Variants in RGL2 observed in about 807,000 individuals in gnomAD.
RGL2 encodes the protein ral guanine nucleotide dissociation stimulator-like 2.
A neutral mutation model predicts 84.6 loss-of-function variants in RGL2; 40 were observed. The observed-to-expected ratio is 0.47, with a 90% CI of 0.37 to 0.62. The LOEUF (loss-of-function observed/expected upper bound fraction) is 0.62. RGL2 is among the 20% of genes least tolerant of loss of function. The probability of loss-of-function intolerance (pLI) is 0.00; values close to 1 mark genes in which losing one functional copy is unlikely to be tolerated. For missense variants in RGL2, 865 were observed against 1,019.7 expected (o/e 0.85, Z 2.07); for synonymous variants, 369 against 417.3 (o/e 0.88, Z 1.41).
At chr6:33,299,509 C>T (rs554489752), upstream of RGL2, among the ~76,000 whole-genome samples, 8 of 152,236 alleles carry the variant, frequency 5.3e-5, no homozygotes, top group South Asian at 1.0e-3. This position sits in a 1 kb window ranked among gnomAD's most constrained non-coding sequence, Gnocchi z 5.0. Flanking sequence ...CCGAGATCCC[C>T]GTCGGCTCGG....
Position 33,298,352 on chromosome 6 carries a change from A to C in RGL2, c.156+103T>G. 1.6e-6 allele frequency: 1 copy of C among 640,868 alleles called. No homozygotes were observed. The highest frequency in any genetic ancestry group is 3.4e-5 in the East Asian group (1 of 29,522). 39.7% of individuals were successfully genotyped at this position (640,868 alleles called of 1,614,324 possible). On this transcript the variant is annotated intron_variant, in intron 2 of 17. Coordinates refer to ENST00000497454, the MANE Select transcript of RGL2 (RefSeq NM_004761.5). The surrounding 1 kb of genome is among the most constrained non-coding windows in gnomAD (Gnocchi z 4.8). ...GGCCGACACCCAGGGAGGCGCGAGAATAACTGAGGCAAGGAGGAGGAGATG... is the reference window on the plus strand; with the variant it reads ...GGCCGACACCCAGGGAGGCGCGAGACTAACTGAGGCAAGGAGGAGGAGATG...
chr6:33,295,023 A>G lies in RGL2; in HGVS notation c.1232T>C (p.Leu411Pro). 1 of 1,582,618 alleles carries G rather than the reference A, an allele frequency of 6.3e-7. No individual in the cohort carries two copies. The highest frequency in any genetic ancestry group is 8.6e-7 in the Non-Finnish European group (1 of 1,164,154). The change falls in exon 10 of 18, where the codon CTG (leucine) becomes CCG (proline). Residue 411 changes from leucine to proline, a missense_variant. Physicochemically the swap from Leu to Pro is moderately conservative, Grantham distance 98. Coordinates refer to ENST00000497454, the MANE Select transcript of RGL2 (RefSeq NM_004761.5). This position sits in a 1 kb window ranked among gnomAD's most constrained non-coding sequence, Gnocchi z 7.2. ...CGGGGCCTTCTTGGAGTGTGGCTCC[A>G]GAGGAGACTGCAGCTTCACCTCCTG... ...LVQEVKLQSP[L>P]EPHSKKAPRS...
intron 16 of RGL2, 78 bp from the exon 17 acceptor site, chr6:33,292,622 C>T: frequency 1.7e-6 from 2 of 1,181,740 alleles, no homozygotes; most frequent in South Asian, 1.2e-5. Flanking sequence ...CTGAACCCAA[C>T]CACAAAATGT....
Position 33,297,164 on chromosome 6 carries a change from T to C in RGL2, c.157-49A>G, listed in dbSNP as rs189176868. 1,997 of 1,423,548 alleles carry C rather than the reference T, an allele frequency of 1.4e-3. 3 individuals carry two copies. Among genetic ancestry groups the C allele is most frequent in the Non-Finnish European group, 1.8e-3 (1,914 of 1,048,152 alleles). The allele number at this position is 1,423,548 out of a possible 1,614,324, so 88.2% of individuals were successfully genotyped here. Reference sequence around the variant, plus strand: ...TCAGACAGTTCCACACCACCCCCCATTGCCCTCAGCCTTCACCCCAGGCCC... The same window carrying C: ...TCAGACAGTTCCACACCACCCCCCACTGCCCTCAGCCTTCACCCCAGGCCC... On this transcript the variant is annotated intron_variant, in intron 2 of 17. Coordinates refer to ENST00000497454, the MANE Select transcript of RGL2 (RefSeq NM_004761.5). The surrounding 1 kb of genome is among the most constrained non-coding windows in gnomAD (Gnocchi z 4.0).
rs1343831611 is a variant in RGL2 at position 33,296,751 on chromosome 6, G to C, written c.266C>G (p.Ser89Cys). 8 of 1,614,062 alleles carry C rather than the reference G, an allele frequency of 5.0e-6. No individual in the cohort carries two copies. The highest frequency in any genetic ancestry group is 6.8e-6 in the Non-Finnish European group (8 of 1,180,018). ...PLVPMPPPRS[S>C]RRLRAGTLEA... ...CAGAGTGCCAGCTCGGAGCCGTCGGGAGGAACGTGGGGGAGGCATAGGGAC... is the reference window on the plus strand; with the variant it reads ...CAGAGTGCCAGCTCGGAGCCGTCGGCAGGAACGTGGGGGAGGCATAGGGAC... The change falls in exon 4 of 18, where the codon TCC becomes TGC. Residue 89 changes from serine (S) to cysteine (C), a missense_variant. This residue lies in a region of RGL2 where 455 missense variants were observed against 507.8 expected (regional missense o/e 0.90). Coordinates refer to ENST00000497454, the MANE Select transcript of RGL2 (RefSeq NM_004761.5). This position sits in a 1 kb window ranked among gnomAD's most constrained non-coding sequence, Gnocchi z 5.0.
chr6:33,295,497 TTC>T lies in RGL2; in HGVS notation c.1020+9_1020+10del. On this transcript the variant is annotated intron_variant, in intron 7 of 17. Coordinates refer to ENST00000497454, the MANE Select transcript of RGL2 (RefSeq NM_004761.5). This position sits in a 1 kb window ranked among gnomAD's most constrained non-coding sequence, Gnocchi z 7.2. ...CATGGCCACAAACCGTAGGGCAATC[TTC>T]TCTCTCACCTCTGCCACGCGGATCC... 6.2e-7 allele frequency: 1 copy of T among 1,613,258 alleles called. No individual in the cohort carries two copies. Among genetic ancestry groups the T allele is most frequent in the Non-Finnish European group, 8.5e-7 (1 of 1,179,446 alleles).
In RGL2 at chr6:33,294,114, G is replaced by C. The variant is rs1767703739; in HGVS notation, c.1354-48C>G. On this transcript the variant is annotated intron_variant, in intron 11 of 17. Coordinates refer to ENST00000497454, the MANE Select transcript of RGL2 (RefSeq NM_004761.5). The surrounding 1 kb of genome is among the most constrained non-coding windows in gnomAD (Gnocchi z 5.0). ...GTGAAAGTTCCAACCCTACCTTCCGGCCACAGAGAGAGAATATCCCCTCTC... is the reference window on the plus strand; with the variant it reads ...GTGAAAGTTCCAACCCTACCTTCCGCCCACAGAGAGAGAATATCCCCTCTC... The C allele has an allele frequency of 6.3e-7, 1 of 1,584,626 alleles. No homozygotes were observed. The highest frequency in any genetic ancestry group is 1.3e-5 in the African/African-American group (1 of 74,142).
At chr6:33,292,395 C>A in intron 17 of RGL2, 35 bp downstream of exon 17, 1 of 1,606,468 alleles carries the variant, frequency 6.2e-7, no homozygotes, top group Non-Finnish European at 8.5e-7. Flanking sequence ...ACTCCACTCT[C>A]CTCCCGAGTC....
chr6:33,296,194 C>A lies in RGL2; in HGVS notation c.602G>T (p.Gly201Val), dbSNP rs147052044. Residue 201 changes from glycine (G) to valine (V), a missense_variant, in exon 6 of 18, where the codon GGG (glycine) becomes GTG (valine). Gly to Val is a moderately radical substitution (Grantham distance 109, BLOSUM62 -3). Coordinates refer to ENST00000497454, the MANE Select transcript of RGL2 (RefSeq NM_004761.5). This position sits in a 1 kb window ranked among gnomAD's most constrained non-coding sequence, Gnocchi z 5.0. ...QTGYAAGKGV[G>V]GGSADLIRNL... ...GCGGATGAGGTCAGCGCTGCCCCCC[C>A]CAACACCCTTCCCTGCTGCATACCC... 1.5e-4 allele frequency: 244 copies of A among 1,613,822 alleles called. No individual in the cohort carries two copies. The highest frequency in any genetic ancestry group is 4.8e-4 in the Admixed American group (29 of 60,006).
In RGL2 at chr6:33,293,606, T is replaced by G; in HGVS notation, c.1602A>C (p.Thr534=). The G allele has an allele frequency of 6.2e-7, 1 of 1,614,086 alleles. No individual in the cohort carries two copies. Among genetic ancestry groups the G allele is most frequent in the Non-Finnish European group, 8.5e-7 (1 of 1,179,950 alleles). The change falls in exon 14 of 18, where the codon ACA becomes ACC. Residue 534 remains threonine (T), a splice_region_variant and synonymous_variant. Transcript: ENST00000497454. The surrounding 1 kb of genome is among the most constrained non-coding windows in gnomAD (Gnocchi z 7.0). ...CCCCCAGCCAGTGAATCTCTCACTC[T>G]GTCCACTGCGAGATGACCAATGTTG... ...LRPTLVISQW[T]EVLGSVGVPT... is the part of the protein sequence containing the mutation.
Position 33,295,386 on chromosome 6 carries a change from C to T in RGL2, c.1057G>A (p.Ala353Thr). The T allele has an allele frequency of 6.2e-7, 1 of 1,608,586 alleles. No individual in the cohort carries two copies. The highest frequency in any genetic ancestry group is 8.5e-7 in the Non-Finnish European group (1 of 1,178,238). The part of the protein sequence containing the change: ...RLLRNFSSVY[A>T]VVSALQSSPI... The stretch of plus-strand genomic sequence containing the variant: ...CTGGACTGCAGGGCTGACACCACGG[C>T]ATAAACTGAAGAGAAGTTTCGGAGC... Residue 353 changes from alanine to threonine, a missense_variant, in exon 8 of 18, where the codon GCC (alanine) becomes ACC (threonine). This residue lies in a region of RGL2 where 455 missense variants were observed against 507.8 expected (regional missense o/e 0.90). Coordinates refer to ENST00000497454, the MANE Select transcript of RGL2 (RefSeq NM_004761.5). This position sits in a 1 kb window ranked among gnomAD's most constrained non-coding sequence, Gnocchi z 7.2.
upstream of RGL2, chr6:33,299,465 C>T (rs1396121880): frequency 6.6e-6 from 1 of 152,116 alleles, no homozygotes. The surrounding 1 kb of genome is among the most constrained non-coding windows in gnomAD (Gnocchi z 5.0). Flanking sequence ...CATCCGGTTC[C>T]AGATTCGGCT....
chr6:33,299,886 A>T (rs1268461977), upstream of RGL2: 1 of 152,634 alleles, frequency 6.6e-6, no homozygotes, highest in African/African-American at 2.4e-5. The surrounding 1 kb of genome is among the most constrained non-coding windows in gnomAD (Gnocchi z 5.0). Flanking sequence ...AGCAGTGGAC[A>T]GACAGGCCAG....
rs374451112 is a variant in RGL2 at position 33,296,749 on chromosome 6, G to T, written c.268C>A (p.Arg90=). 1.2e-6 allele frequency: 2 copies of T among 1,614,014 alleles called. No homozygotes were observed. Residue 90 remains arginine, a synonymous_variant, in exon 4 of 18, where the codon CGA becomes AGA. Coordinates refer to ENST00000497454, the MANE Select transcript of RGL2 (RefSeq NM_004761.5). The surrounding 1 kb of genome is among the most constrained non-coding windows in gnomAD (Gnocchi z 5.0). ...TCCAGAGTGCCAGCTCGGAGCCGTCGGGAGGAACGTGGGGGAGGCATAGGG... is the reference window on the plus strand; with the variant it reads ...TCCAGAGTGCCAGCTCGGAGCCGTCTGGAGGAACGTGGGGGAGGCATAGGG... ...LVPMPPPRSS[R]RLRAGTLEAL...
In RGL2 at chr6:33,294,002, A is replaced by G; in HGVS notation, c.1386+32T>C. On this transcript the variant is annotated intron_variant, in intron 12 of 17. Transcript: ENST00000497454. The surrounding 1 kb of genome is among the most constrained non-coding windows in gnomAD (Gnocchi z 5.0). ...CCCCTTCCTGGAACATGGATAGGGA[A>G]GTCCAGCATCCAGCCCAGACACTCC... The G allele has an allele frequency of 6.2e-7, 1 of 1,613,994 alleles. No homozygotes were observed. The highest frequency in any genetic ancestry group is 1.1e-5 in the South Asian group (1 of 91,072).
chr6:33,294,568 G>T lies in RGL2; in HGVS notation c.1353+120C>A. 2.0e-6 allele frequency: 2 copies of T among 1,020,148 alleles called. No individual in the cohort carries two copies. Among genetic ancestry groups the T allele is most frequent in the Non-Finnish European group, 2.9e-6 (2 of 684,926 alleles). The allele number at this position is 1,020,148 out of a possible 1,614,324, so 63.2% of individuals were successfully genotyped here. A position where few individuals can be genotyped will look rare whatever the true frequency, so the allele number is the denominator to read the frequency against. ...GGCGACTTGGCACAGAAACAGATCT[G>T]GCTCTGTCCCACACTCAGCTATTTG... On this transcript the variant is annotated intron_variant, in intron 11 of 17. Transcript: ENST00000497454. This position sits in a 1 kb window ranked among gnomAD's most constrained non-coding sequence, Gnocchi z 5.0.
chr6:33,293,551 C>A lies in RGL2; in HGVS notation c.1605-27G>T. 1.2e-6 allele frequency: 2 copies of A among 1,612,596 alleles called. No homozygotes were observed. The highest frequency in any genetic ancestry group is 1.7e-6 in the Non-Finnish European group (2 of 1,179,174). On this transcript the variant is annotated intron_variant, in intron 14 of 17. Coordinates refer to ENST00000497454, the MANE Select transcript of RGL2 (RefSeq NM_004761.5). The surrounding 1 kb of genome is among the most constrained non-coding windows in gnomAD (Gnocchi z 7.0). ...TGCAGTGGCAGGAGATTGGGAGGAT[C>A]AGAGAAAAGTGGAAGTCCCAAGAAA... is the stretch of plus-strand genomic sequence containing the variant.
chr6:33,292,469 A>C lies in RGL2; in HGVS notation c.2083T>G (p.Ser695Ala), dbSNP rs1767504617. 2 of 1,614,146 alleles carry C rather than the reference A, an allele frequency of 1.2e-6. No individual in the cohort carries two copies. The highest frequency in any genetic ancestry group is 4.5e-5 in the East Asian group (2 of 44,888). Residue 695 changes from serine to alanine, a missense_variant, in exon 17 of 18, where the codon TCA becomes GCA. This residue lies in a region of RGL2 where 302 missense variants were observed against 327.9 expected (regional missense o/e 0.92). Coordinates refer to ENST00000497454, the MANE Select transcript of RGL2 (RefSeq NM_004761.5). ...AGCAGCTGTACCAGCTCATACTCTG[A>C]AGCCACTGCAGAGTCACGATTGTTT... ...KKNNRDSAVA[S>A]EYELVQLLPG...
At chr6:33,301,596 T>C (rs902699442), upstream of RGL2, 5 of 608,776 alleles carry the variant, frequency 8.2e-6, no homozygotes, top group African/African-American at 7.8e-5. Context: ...AAAAGAAAAA[T>C]TATCCCTTAT....
Sources: gnomAD v4.1 joint callset for allele counts (sites outside exome capture counted in the v4.1 genomes callset) on GRCh38, gnomAD v4.1.1 for gene constraint, gnomAD v4.1.1 regional missense constraint, Gnocchi (gnomAD v3.1) non-coding constraint, MANE v1.5 for transcripts, NCBI Gene and HGNC (gene_info 2026-07-23, HGNC 2026-07-21) for gene names.